The following PKD1 variants were observed in gnomAD, a reference collection of about 807,000 sequenced individuals.
PKD1 encodes polycystin-1.
In PKD1, 81 loss-of-function variants were observed where a neutral mutation model predicts 361.7. The ratio of observed to expected loss-of-function variants is 0.22; its 90% CI spans 0.19 to 0.27. PKD1 has a LOEUF of 0.27. Among genes scored for constraint, PKD1 ranks in the 10% least tolerant of loss-of-function variants. The pLI is 1.00. For synonymous variants in PKD1, 3,615 were observed against 2,818.3 expected (o/e 1.28, Z -8.95); for missense variants, 6,399 against 6,118.3 (o/e 1.05, Z -1.53).
chr16:2,094,645 G>A (rs748967087), intron 34 of PKD1: 14 of 249,842 alleles, frequency 5.6e-5, no homozygotes, highest in Admixed American at 2.6e-4. Flanking sequence ...TTCTGGACAA[G>A]GAAACATATG....
In PKD1 at chr16:2,090,665, G is replaced by A. The variant is rs775065520; in HGVS notation, c.12138+9C>T. The A allele has an allele frequency of 7.4e-6, 12 of 1,611,640 alleles. No homozygotes were observed. Among genetic ancestry groups the A allele is most frequent in the East Asian group, 2.2e-5 (1 of 44,876 alleles). On this transcript the variant is annotated intron_variant, in intron 44 of 45. Transcript: ENST00000262304. Reference sequence around the variant, plus strand: ...CTAAGACGCCCTCCCCGGCCGCGCAGTCACCTACCAGGATGGCCAGCTGGG... The same window carrying A: ...CTAAGACGCCCTCCCCGGCCGCGCAATCACCTACCAGGATGGCCAGCTGGG...
rs1344855744 is a variant in PKD1 at position 2,099,625 on chromosome 16, G to A, written c.10050+19C>T. 2.5e-6 allele frequency: 4 copies of A among 1,581,876 alleles called. No homozygotes were observed. Among genetic ancestry groups the A allele is most frequent in the Non-Finnish European group, 3.4e-6 (4 of 1,172,578 alleles). On this transcript the variant is annotated intron_variant, in intron 30 of 45. Coordinates refer to ENST00000262304, the MANE Select transcript of PKD1 (RefSeq NM_001009944.3). ...CAGGCTCCATTCCCAGTACTCCCGG[G>A]TCCCCAGCCCCAGCCCACCTTGCTC...
intron 41 of PKD1, 53 bp from the exon 42 acceptor site, chr16:2,091,650 G>T: frequency 6.4e-7 from 1 of 1,555,386 alleles, no homozygotes; most frequent in Non-Finnish European, 8.6e-7. Context: ...GGAGCTGCGG[G>T]GACCGCGCAG....
At chr16:2,107,120 G>A in intron 16 of PKD1, 172 bp from the exon 17 acceptor site, 1 of 694,434 alleles carries the variant, frequency 1.4e-6, no homozygotes, top group Non-Finnish European at 2.6e-6. Flanking sequence ...TTCCAACTTG[G>A]ACGGCGGAAG....
intron 1 of PKD1, among the ~76,000 whole-genome samples, chr16:2,127,140 G>A (rs1237777096): frequency 1.3e-5 from 2 of 152,238 alleles, no homozygotes; most frequent in Non-Finnish European, 2.9e-5. Flanking sequence ...GTGCCCACCA[G>A]CGACAGCGCA....
At chr16:2,127,783 G>C (rs1397081586) in intron 1 of PKD1, among the ~76,000 whole-genome samples, 1 of 151,158 alleles carries the variant, frequency 6.6e-6, no homozygotes. Context: ...CAGAGGTGGA[G>C]GCGCTGGGAC....
rs556854889 is a variant in PKD1, at chr16:2,118,516, C to A, written c.530-54G>T. 1.4e-6 allele frequency: 2 copies of A among 1,427,484 alleles called. No individual in the cohort carries two copies. Among genetic ancestry groups the A allele is most frequent in the South Asian group, 1.2e-5 (1 of 82,722 alleles). 88.4% of individuals were successfully genotyped at this position (1,427,484 alleles called of 1,614,324 possible). A position where few individuals can be genotyped will look rare whatever the true frequency, so the allele number is the denominator to read the frequency against. ...TTCTGCTCCTCCTGGCTCCACCCCA[C>A]GCCCCCACATCCGCCCGCCGCACTC... On this transcript the variant is annotated intron_variant, in intron 4 of 45. Transcript: ENST00000262304. This position sits in a 1 kb window ranked among gnomAD's most constrained non-coding sequence, Gnocchi z 6.0.
At chr16:2,093,277 G>A (rs2091684027) in intron 37 of PKD1, 184 bp from the exon 38 acceptor site, 1 of 744,110 alleles carries the variant, frequency 1.3e-6, no homozygotes, top group Non-Finnish European at 2.2e-6. Flanking sequence ...AACCCCACCT[G>A]GGGGCAGACA....
chr16:2,092,674 C>T, intron 38 of PKD1, 82 bp from the exon 39 acceptor site: 1 of 1,032,558 alleles, frequency 9.7e-7, no homozygotes, highest in Non-Finnish European at 1.5e-6. Flanking sequence ...ACCCAGGGAA[C>T]ATGGCTCCCA....
chr16:2,113,733 A>C, intron 11 of PKD1: 1 of 355,950 alleles, frequency 2.8e-6, no homozygotes, highest in South Asian at 2.8e-5. Context: ...CCTGGTGAAG[A>C]GGCAGGTACC....
intron 1 of PKD1, chr16:2,123,595 G>T (rs1009590031): frequency 9.1e-6 from 4 of 438,614 alleles, no homozygotes; most frequent in African/African-American, 6.3e-5. Context: ...CTCTGCACCC[G>T]CCAGGTGACA....
intron 1 of PKD1, among the ~76,000 whole-genome samples, chr16:2,126,753 G>A (rs555458564): frequency 6.6e-6 from 1 of 152,256 alleles, no homozygotes; most frequent in East Asian, 1.9e-4. Context: ...AAAAGAACAT[G>A]TGTGTCTCCC....
At chr16:2,120,345 C>T (rs1241124949) in intron 1 of PKD1, 2 of 155,238 alleles carry the variant, frequency 1.3e-5, no homozygotes, top group African/African-American at 4.8e-5. Context: ...CAGAAAAGCA[C>T]TAGCAACTTA....
chr16:2,130,687 A>AG (rs1248119569), intron 1 of PKD1, among the ~76,000 whole-genome samples: 2 of 152,194 alleles, frequency 1.3e-5, no homozygotes, highest in African/African-American at 4.8e-5. Flanking sequence ...CATCAGGCCT[A>AG]GGGGTCGCTC....
chr16:2,088,765 T>C lies in PKD1; in HGVS notation c.*962A>G. On this transcript the variant is annotated 3_prime_UTR_variant, in exon 46 of 46. Transcript: ENST00000262304. Reference sequence around the variant, plus strand: ...CTGCTTGGTGCGGGGGTTGGGGGGGTGTCGAGGCTCTAGAAGCGGCCATGC... The same window carrying C: ...CTGCTTGGTGCGGGGGTTGGGGGGGCGTCGAGGCTCTAGAAGCGGCCATGC... 1 of 1,080,582 alleles carries C rather than the reference T, an allele frequency of 9.3e-7. No homozygotes were observed. The highest frequency in any genetic ancestry group is 1.3e-6 in the Non-Finnish European group (1 of 767,184). 66.9% of individuals were successfully genotyped at this position (1,080,582 alleles called of 1,614,324 possible). A position where few individuals can be genotyped will look rare whatever the true frequency, so the allele number is the denominator to read the frequency against.
Position 2,122,892 on chromosome 16 carries a change from G to T in PKD1, c.216-3514C>A, listed in dbSNP as rs566435497. Among the ~76,000 whole-genome samples the T allele has an allele frequency of 2.6e-5, 4 of 152,330 alleles. No homozygotes were observed. In the East Asian group the frequency reaches 7.7e-4, roughly 29 times the overall value. The stretch of plus-strand genomic sequence containing the variant: ...GCACAGGCTCTCGCACCTGCCCCCA[G>T]GCATGGGGAGCAGCTCCCACCCAGG... On this transcript the variant is annotated intron_variant, in intron 1 of 45. Transcript: ENST00000262304.
chr16:2,097,949 C>T lies in PKD1; in HGVS notation c.10086G>A (p.Gln3362=), dbSNP rs767064899. The T allele has an allele frequency of 1.2e-6, 2 of 1,601,330 alleles. No individual in the cohort carries two copies. Among genetic ancestry groups the T allele is most frequent in the South Asian group, 2.2e-5 (2 of 90,690 alleles). ...GGCAGCTGTCGATGTCCAGCACCTG[C>T]TGCCCGGCAGGTGTGGGGCTCGGGC... is the stretch of plus-strand genomic sequence containing the variant. ...AGSPSPTPAG[Q]QVLDIDSCLD... The change falls in exon 31 of 46, where the codon CAG becomes CAA. Residue 3362 remains glutamine, a synonymous_variant. Transcript: ENST00000262304.
rs1567187819 is a variant in PKD1 at position 2,106,998 on chromosome 16, GA to G, written c.7066-51del. The G allele has an allele frequency of 1.3e-6, 2 of 1,558,736 alleles. No homozygotes were observed. The highest frequency in any genetic ancestry group is 2.2e-5 in the South Asian group (2 of 90,252). On this transcript the variant is annotated intron_variant, in intron 16 of 45. Coordinates refer to ENST00000262304, the MANE Select transcript of PKD1 (RefSeq NM_001009944.3). This position sits in a 1 kb window ranked among gnomAD's most constrained non-coding sequence, Gnocchi z 6.5. ...CAACACAGGTCTATTTGGCCTGCTG[GA>G]AGGACTGGGGGACCCATGGAGGATG...
rs1347606022 is a variant in PKD1, at chr16:2,106,051, G to A, written c.7704-27C>T. 2 of 1,607,192 alleles carry A rather than the reference G, an allele frequency of 1.2e-6. No homozygotes were observed. The highest frequency in any genetic ancestry group is 1.7e-6 in the Non-Finnish European group (2 of 1,178,508). ...TACGAGCAGAGGGGGGTGGTGAGCA[G>A]GTGGCAGTCTCGGGGGCGCCCTCCC... On this transcript the variant is annotated intron_variant, in intron 19 of 45. Transcript: ENST00000262304. This position sits in a 1 kb window ranked among gnomAD's most constrained non-coding sequence, Gnocchi z 6.5.
Sources: gnomAD v4.1 joint callset for allele counts (sites outside exome capture counted in the v4.1 genomes callset) on GRCh38, gnomAD v4.1.1 for gene constraint, Gnocchi (gnomAD v3.1) non-coding constraint, MANE v1.5 for transcripts, NCBI Gene and HGNC (gene_info 2026-07-23, HGNC 2026-07-21) for gene names.